The following SDK1 variants were observed in gnomAD, a reference collection of about 807,000 sequenced individuals.
SDK1 encodes the protein sidekick cell adhesion molecule 1.
A neutral mutation model predicts 245.5 loss-of-function variants in SDK1; 157 were observed. That is an observed-to-expected ratio of 0.64 (90% CI 0.56 to 0.73). The LOEUF (loss-of-function observed/expected upper bound fraction) is 0.73. Among genes scored for constraint, SDK1 ranks in the 30% least tolerant of loss-of-function variants. SDK1 has a pLI of 0.00. For missense variants in SDK1, 3,583 were observed against 3,002.3 expected, an observed-to-expected ratio of 1.19 and a Z score of -4.52; for synonymous variants, 1,647 against 1,278.5, an observed-to-expected ratio of 1.29 and a Z score of -6.15.
chr7:3,606,764 T>C (rs1781438206), intron 1 of SDK1, among the ~76,000 whole-genome samples: 1 of 152,246 alleles, frequency 6.6e-6, no homozygotes, highest in South Asian at 2.1e-4. Flanking sequence ...TTTTTTCCTC[T>C]TCTTCCTTTT....
At chr7:3,426,335 C>G (rs1275728208) in intron 1 of SDK1, among the ~76,000 whole-genome samples, 3 of 152,086 alleles carry the variant, frequency 2.0e-5, no homozygotes, top group Non-Finnish European at 2.9e-5. Flanking sequence ...GCAGGAAGGC[C>G]CACTGGATGG....
intron 4 of SDK1, among the ~76,000 whole-genome samples, chr7:3,675,086 T>C (rs1306664649): frequency 1.3e-5 from 2 of 152,192 alleles, no homozygotes; most frequent in Non-Finnish European, 2.9e-5. Context: ...GTGAGCCATC[T>C]CCACGTGTGA....
chr7:4,092,972 G>C (rs1009224314), intron 22 of SDK1, among the ~76,000 whole-genome samples: 2 of 152,098 alleles, frequency 1.3e-5, no homozygotes, highest in African/African-American at 4.8e-5. Flanking sequence ...GTTTCCTTTA[G>C]ATGCTAACCA....
At position 3,682,522 on chromosome 7, in the gene SDK1, A is replaced by ATGTGT. The variant is rs1562367845; in HGVS notation, c.713+40417_713+40418insTGTGT. 4.6e-5 allele frequency among the ~76,000 whole-genome samples: 7 copies of ATGTGT among 152,412 alleles called. No individual in the cohort carries two copies. In the East Asian group the frequency reaches 9.6e-4, roughly 21 times the overall value. On this transcript the variant is annotated intron_variant, in intron 4 of 44. Transcript: ENST00000404826. ...ACTGAACTGTCCAGGGTCAGAACTCACGTGTCTGCTGCAGAGACAGTGCTG... is the reference window on the plus strand; with the variant it reads ...ACTGAACTGTCCAGGGTCAGAACTCATGTGTCGTGTCTGCTGCAGAGACAGTGCTG...
intron 4 of SDK1, among the ~76,000 whole-genome samples, chr7:3,649,668 C>T (rs1198698572): frequency 6.6e-6 from 1 of 152,008 alleles, no homozygotes; most frequent in South Asian, 2.1e-4. Context: ...CACGGCAGCC[C>T]AGCGGTTTAG....
In SDK1 at chr7:4,102,954, T is replaced by TAA. The variant is rs34174910; in HGVS notation, c.3325-7688_3325-7687dup. Among the ~76,000 whole-genome samples, 231 of 113,226 alleles carry TAA rather than the reference T, an allele frequency of 2.0e-3. 1 individual carries two copies. Among genetic ancestry groups the TAA allele is most frequent in the South Asian group, 7.0e-3 (24 of 3,416 alleles). The allele number at this position is 113,226 out of a possible 152,430, so 74.3% of individuals were successfully genotyped here. A position where few individuals can be genotyped will look rare whatever the true frequency, so the allele number is the denominator to read the frequency against. ...ACTGTTTATTAGCCTTAAAAAAAGT[T>TAA]AAAAAAAAAAAAAAAAAAAAAAGCC... On this transcript the variant is annotated intron_variant, in intron 22 of 44. Transcript: ENST00000404826.
intron 1 of SDK1, among the ~76,000 whole-genome samples, chr7:3,512,487 G>C (rs1289416993): frequency 6.6e-6 from 1 of 152,210 alleles, no homozygotes; most frequent in Non-Finnish European, 1.5e-5. Flanking sequence ...ATACCAAGGA[G>C]TGTGGATCAT....
At chr7:3,381,272 G>A (rs1169856395) in intron 1 of SDK1, among the ~76,000 whole-genome samples, 2 of 152,150 alleles carry the variant, frequency 1.3e-5, no homozygotes, top group Non-Finnish European at 1.5e-5. Flanking sequence ...TGGTACACAG[G>A]TTAGGAGAGG....
At chr7:3,496,541 C>A (rs1782032387) in intron 1 of SDK1, among the ~76,000 whole-genome samples, 1 of 151,482 alleles carries the variant, frequency 6.6e-6, no homozygotes, top group East Asian at 1.9e-4. Flanking sequence ...CAGGGAAAAT[C>A]ATATTCTTTT....
At chr7:3,476,645 A>C (rs1781355706) in intron 1 of SDK1, among the ~76,000 whole-genome samples, 1 of 152,126 alleles carries the variant, frequency 6.6e-6, no homozygotes, top group Admixed American at 6.5e-5. Flanking sequence ...TATATGTTGA[A>C]ATTTAGTATT....
chr7:4,196,848 G>A (rs559567385), intron 35 of SDK1, among the ~76,000 whole-genome samples: 2 of 152,318 alleles, frequency 1.3e-5, no homozygotes, highest in African/African-American at 4.8e-5. Flanking sequence ...GGATTTATCT[G>A]ATGGATGTTG....
At chr7:4,168,800 C>T (rs536286640) in intron 32 of SDK1, among the ~76,000 whole-genome samples, 8 of 152,278 alleles carry the variant, frequency 5.3e-5, no homozygotes, top group Non-Finnish European at 8.8e-5. Context: ...AGAGCCCCTG[C>T]TGTAAGCTTT....
intron 1 of SDK1, among the ~76,000 whole-genome samples, chr7:3,309,571 G>T (rs1460356276): frequency 1.4e-5 from 2 of 140,980 alleles, no homozygotes; most frequent in African/African-American, 5.2e-5. Flanking sequence ...TTCCCAAAGG[G>T]AGCAAGTTTC....
chr7:3,559,023 C>A (rs1395959249), intron 1 of SDK1, among the ~76,000 whole-genome samples: 1 of 152,082 alleles, frequency 6.6e-6, no homozygotes, highest in Non-Finnish European at 1.5e-5. Context: ...TTTAAAATAT[C>A]CTGTTGCATA....
chr7:4,131,876 T>C (rs1784846836), intron 27 of SDK1, among the ~76,000 whole-genome samples: 1 of 152,124 alleles, frequency 6.6e-6, no homozygotes, highest in African/African-American at 2.4e-5. Flanking sequence ...GTAACCTCCG[T>C]TAGAGTTGGG....
At chr7:3,532,024 T>G (rs1297809135) in intron 1 of SDK1, among the ~76,000 whole-genome samples, 1 of 152,232 alleles carries the variant, frequency 6.6e-6, no homozygotes, top group Non-Finnish European at 1.5e-5. Context: ...TAACTGAATC[T>G]TAAACTTCAA....
chr7:3,897,823 A>G (rs542298309), intron 5 of SDK1, among the ~76,000 whole-genome samples: 1 of 151,806 alleles, frequency 6.6e-6, no homozygotes, highest in Non-Finnish European at 1.5e-5. Context: ...CTTTGATCAA[A>G]TCCCCTTTCT....
chr7:3,649,620 G>A (rs1449472381), intron 4 of SDK1, among the ~76,000 whole-genome samples: 1 of 152,140 alleles, frequency 6.6e-6, no homozygotes, highest in Non-Finnish European at 1.5e-5. Context: ...GCCAGGCACT[G>A]TTTTAAGGAT....
At chr7:3,827,938 CATTT>C (rs1169428189) in intron 5 of SDK1, among the ~76,000 whole-genome samples, 1 of 152,122 alleles carries the variant, frequency 6.6e-6, no homozygotes, top group African/African-American at 2.4e-5. Flanking sequence ...GAGATTTCAG[CATTT>C]ATTTGTTATT....
Sources: allele counts gnomAD v4.1 joint callset (sites outside exome capture counted in the v4.1 genomes callset), GRCh38; gene constraint gnomAD v4.1.1; transcripts MANE v1.5; gene names NCBI Gene and HGNC (gene_info 2026-07-23, HGNC 2026-07-21).